NTF3: variants seen among roughly 807,000 people sequenced by gnomAD.
NTF3 encodes the protein neurotrophin-3.
In NTF3, 8 loss-of-function variants were observed where a neutral mutation model predicts 26.3. The ratio of observed to expected loss-of-function variants is 0.30; its 90% CI spans 0.18 to 0.55. NTF3 has a LOEUF of 0.55. NTF3 is among the 20% of genes least tolerant of loss of function. NTF3 has a pLI of 0.93. For synonymous variants in NTF3, 154 were observed against 145.5 expected, an observed-to-expected ratio of 1.06 and a Z score of -0.42; for missense variants, 276 against 352.9, an observed-to-expected ratio of 0.78 and a Z score of 1.75.
Position 5,456,015 on chromosome 12 carries a change from C to T in NTF3, c.18+23673C>T, listed in dbSNP as rs1258804148. Among the ~76,000 whole-genome samples, 2 of 152,138 alleles carry T rather than the reference C, an allele frequency of 1.3e-5. No individual in the cohort carries two copies. The highest frequency in any genetic ancestry group is 2.9e-5 in the Non-Finnish European group (2 of 68,026). On this transcript the variant is annotated intron_variant, in intron 1 of 1. Transcript: ENST00000423158. The surrounding 1 kb of genome is among the most constrained non-coding windows in gnomAD (Gnocchi z 4.4). ...GCGGGCCACTAGAGAAAAAGGAGGG[C>T]ATGTTTGGGGCAGGAGAGGCAAATG...
intron 1 of NTF3, among the ~76,000 whole-genome samples, chr12:5,463,922 G>T (rs988331213): frequency 3.3e-5 from 5 of 152,156 alleles, no homozygotes; most frequent in African/African-American, 1.2e-4. Context: ...ATAAATAAGT[G>T]ATTTATTTTT....
chr12:5,451,223 T>C (rs2121168727), intron 1 of NTF3, among the ~76,000 whole-genome samples: 1 of 152,364 alleles, frequency 6.6e-6, no homozygotes, highest in African/African-American at 2.4e-5. Flanking sequence ...GGTAGCCTCA[T>C]CCTACTGTGC....
intron 1 of NTF3, among the ~76,000 whole-genome samples, chr12:5,475,268 C>T (rs969804781): frequency 6.6e-6 from 1 of 151,872 alleles, no homozygotes; most frequent in African/African-American, 2.4e-5. Context: ...TCGGAGTGTC[C>T]AGTGATTCAG....
chr12:5,475,018 T>C (rs1343611415), intron 1 of NTF3, among the ~76,000 whole-genome samples: 2 of 152,058 alleles, frequency 1.3e-5, no homozygotes, highest in Non-Finnish European at 2.9e-5. Context: ...CAGGTGGAGA[T>C]GTCTAGTAGG....
chr12:5,481,637 A>ACAC (rs56207639), intron 1 of NTF3, among the ~76,000 whole-genome samples: 67,987 of 136,902 alleles, frequency 0.5, 15,643 homozygotes, highest in African/African-American at 0.59. Flanking sequence ...ACATGCACAC[A>ACAC]TACAGATATA....
intron 1 of NTF3, among the ~76,000 whole-genome samples, chr12:5,440,206 G>T (rs1457723369): frequency 6.6e-6 from 1 of 152,148 alleles, no homozygotes. Flanking sequence ...ATATTTGCAT[G>T]TACAAATAAA....
intron 1 of NTF3, among the ~76,000 whole-genome samples, chr12:5,477,496 C>T (rs534385538): frequency 9.2e-5 from 14 of 152,184 alleles, no homozygotes; most frequent in Middle Eastern, 3.4e-3. Context: ...ATTGGATGTT[C>T]GCCCAGATCT....
intron 1 of NTF3, among the ~76,000 whole-genome samples, chr12:5,479,011 T>C (rs1246178916): frequency 6.6e-6 from 1 of 152,216 alleles, no homozygotes; most frequent in Admixed American, 6.5e-5. Flanking sequence ...ATTACATTAG[T>C]TCAGTTGTCT....
At chr12:5,484,538 CAT>C (rs1450928866) in intron 1 of NTF3, among the ~76,000 whole-genome samples, 2 of 152,038 alleles carry the variant, frequency 1.3e-5, no homozygotes, top group Admixed American at 6.6e-5. Flanking sequence ...TTTATGGGCA[CAT>C]GTGTGGTTTT....
chr12:5,473,285 C>A (rs994451022), intron 1 of NTF3, among the ~76,000 whole-genome samples: 1 of 152,218 alleles, frequency 6.6e-6, no homozygotes, highest in Non-Finnish European at 1.5e-5. Context: ...CCGCATGAGG[C>A]ACTGGAGCTG....
At position 5,486,779 on chromosome 12, in the gene NTF3, G is replaced by A. The variant is rs150543583; in HGVS notation, c.19-7415G>A. Among the ~76,000 whole-genome samples, 31 of 152,120 alleles carry A rather than the reference G, an allele frequency of 2.0e-4. No homozygotes were observed. In the East Asian group the frequency reaches 4.8e-3, roughly 24 times the overall value. On this transcript the variant is annotated intron_variant, in intron 1 of 1. Transcript: ENST00000423158. ...TACCAAAATTGAAATGTTTCTGAAC[G>A]TTAAATGATTCAATAATTTGAAAAT...
At chr12:5,490,459 C>T (rs1398731204) in intron 1 of NTF3, among the ~76,000 whole-genome samples, 1 of 152,196 alleles carries the variant, frequency 6.6e-6, no homozygotes, top group Non-Finnish European at 1.5e-5. Flanking sequence ...ACAGGGACCC[C>T]TAGAGAAAGA....
At position 5,455,500 on chromosome 12, in the gene NTF3, C is replaced by T. The variant is rs905567013; in HGVS notation, c.18+23158C>T. Among the ~76,000 whole-genome samples, 4 of 150,430 alleles carry T rather than the reference C, an allele frequency of 2.7e-5. No homozygotes were observed. The Admixed American group carries it at 2.7e-4, about 10-fold the overall frequency. ...GTCCTGTCCTAACAGAGCCCACAGC[C>T]CCCTATCCATCTGGCCTCTGTAACC... On this transcript the variant is annotated intron_variant, in intron 1 of 1. Coordinates refer to ENST00000423158, the MANE Select transcript of NTF3 (RefSeq NM_001102654.2).
At position 5,432,279 on chromosome 12, in the gene NTF3, C is replaced by T; in HGVS notation, c.-46C>T. 6.2e-7 allele frequency: 1 copy of T among 1,612,908 alleles called. No homozygotes were observed. Among genetic ancestry groups the T allele is most frequent in the Non-Finnish European group, 8.5e-7 (1 of 1,179,342 alleles). ...CTTTGAATGACCGAGCTCGCGTCCA[C>T]CTTTCTCTTCATGTCGACGTCCCTG... On this transcript the variant is annotated 5_prime_UTR_variant, in exon 1 of 2. Transcript: ENST00000423158.
chr12:5,479,345 C>T (rs1335271553), intron 1 of NTF3, among the ~76,000 whole-genome samples: 1 of 152,194 alleles, frequency 6.6e-6, no homozygotes, highest in Non-Finnish European at 1.5e-5. Context: ...AAATGATCTA[C>T]TTTGTGTAAA....
intron 1 of NTF3, among the ~76,000 whole-genome samples, chr12:5,481,477 A>ACAGAG (rs1373988303): frequency 6.7e-6 from 1 of 149,212 alleles, no homozygotes. Context: ...AACACCACAC[A>ACAGAG]TACATGCACA....
chr12:5,443,178 A>C (rs1258583139), intron 1 of NTF3, among the ~76,000 whole-genome samples: 1 of 152,216 alleles, frequency 6.6e-6, no homozygotes, highest in East Asian at 1.9e-4. Context: ...GGTCTAGTCC[A>C]GCTTCTGGCA....
chr12:5,436,706 A>G (rs1218900665), intron 1 of NTF3, among the ~76,000 whole-genome samples: 1 of 152,204 alleles, frequency 6.6e-6, no homozygotes, highest in Non-Finnish European at 1.5e-5. Context: ...TTAATCAGTA[A>G]TCATGATGCC....
intron 1 of NTF3, among the ~76,000 whole-genome samples, chr12:5,476,932 T>C (rs548822207): frequency 2.0e-5 from 3 of 152,308 alleles, no homozygotes; most frequent in African/African-American, 7.2e-5. Context: ...GCACAAATAT[T>C]CCATAATAAT....
Sources: allele counts gnomAD v4.1 joint callset (sites outside exome capture counted in the v4.1 genomes callset), GRCh38; gene constraint gnomAD v4.1.1; non-coding constraint Gnocchi (gnomAD v3.1); transcripts MANE v1.5; gene names NCBI Gene and HGNC (gene_info 2026-07-23, HGNC 2026-07-21).